CDH13: variants seen among roughly 807,000 people sequenced by gnomAD.
The protein encoded by CDH13 is cadherin 13.
CDH13 carries 24 observed loss-of-function variants against 63.8 expected under a neutral mutation model. The observed-to-expected ratio is 0.38, with a 90% CI of 0.27 to 0.53. CDH13 has a LOEUF of 0.53. CDH13 is among the 20% of genes least tolerant of loss of function. CDH13 has a pLI of 0.85. For missense variants in CDH13, 1,049 were observed against 903.1 expected (o/e 1.16, Z -2.07); for synonymous variants, 503 against 355.3 (o/e 1.42, Z -4.67).
At chr16:82,657,886 T>A (rs1911478874) in intron 1 of CDH13, among the ~76,000 whole-genome samples, 1 of 152,246 alleles carries the variant, frequency 6.6e-6, no homozygotes, top group South Asian at 2.1e-4. Flanking sequence ...TTTCTTACTT[T>A]CCAATCACTA....
chr16:83,065,751 C>G (rs1019219250), intron 3 of CDH13, among the ~76,000 whole-genome samples: 2 of 150,660 alleles, frequency 1.3e-5, no homozygotes, highest in African/African-American at 4.9e-5. Context: ...AACAAGACTA[C>G]TTTTAGGTTC....
At chr16:82,961,589 A>AAAAAAAAAAC (rs1907010618) in intron 2 of CDH13, among the ~76,000 whole-genome samples, 1 of 151,302 alleles carries the variant, frequency 6.6e-6, no homozygotes, top group African/African-American at 2.4e-5. Context: ...AAAAAAAAAA[A>AAAAAAAAAAC]AAAAAAACTA....
At chr16:83,458,560 T>G (rs192453498) in intron 6 of CDH13, among the ~76,000 whole-genome samples, 1 of 152,206 alleles carries the variant, frequency 6.6e-6, no homozygotes, top group Non-Finnish European at 1.5e-5. Flanking sequence ...CTACAAAAAA[T>G]CTTGTGGTCA....
intron 6 of CDH13, among the ~76,000 whole-genome samples, chr16:83,408,895 G>C (rs1445193187): frequency 6.6e-6 from 1 of 152,208 alleles, no homozygotes; most frequent in African/African-American, 2.4e-5. Context: ...GGGATGCAGA[G>C]ACTAAGCCCA....
At chr16:83,045,883 T>A (rs185412756) in intron 3 of CDH13, among the ~76,000 whole-genome samples, 154 of 152,344 alleles carry the variant, frequency 1.0e-3, no homozygotes, top group African/African-American at 3.3e-3. Flanking sequence ...GGCAGAAGCC[T>A]GAATGTTTGT....
intron 7 of CDH13, among the ~76,000 whole-genome samples, chr16:83,593,215 C>A (rs9930727): frequency 6.6e-6 from 1 of 152,094 alleles, no homozygotes; most frequent in Non-Finnish European, 1.5e-5. Flanking sequence ...AAAGAGGAAA[C>A]GAATGAATGA....
At position 83,783,237 on chromosome 16, in the gene CDH13, C is replaced by A. The variant is rs764508268; in HGVS notation, c.1916-17C>A. 1.3e-6 allele frequency: 2 copies of A among 1,584,110 alleles called. No homozygotes were observed. The highest frequency in any genetic ancestry group is 1.7e-5 in the Admixed American group (1 of 59,426). On this transcript the variant is annotated splice_polypyrimidine_tract_variant and intron_variant, in intron 12 of 13. Transcript: ENST00000567109. ...AAGTCTCATCCACTCTCACCAGAACCCTCCTTGCCTTTACAGATACACACG... is the reference window on the plus strand; with the variant it reads ...AAGTCTCATCCACTCTCACCAGAACACTCCTTGCCTTTACAGATACACACG...
chr16:83,712,806 G>T (rs1293029088), intron 10 of CDH13, among the ~76,000 whole-genome samples: 1 of 152,182 alleles, frequency 6.6e-6, no homozygotes, highest in Non-Finnish European at 1.5e-5. Flanking sequence ...GCCATGTGCT[G>T]TCACACACTA....
At chr16:83,624,685 C>T (rs1910123437) in intron 8 of CDH13, among the ~76,000 whole-genome samples, 1 of 152,058 alleles carries the variant, frequency 6.6e-6, no homozygotes, top group Non-Finnish European at 1.5e-5. Flanking sequence ...GGTCCGCAGC[C>T]CCAGGGGTTG....
intron 7 of CDH13, among the ~76,000 whole-genome samples, chr16:83,497,608 A>T (rs1486779765): frequency 1.3e-5 from 2 of 152,086 alleles, no homozygotes; most frequent in African/African-American, 2.4e-5. Context: ...ACATGTATAC[A>T]TATGTAACTA....
intron 5 of CDH13, among the ~76,000 whole-genome samples, chr16:83,340,021 ACT>A (rs904148165): frequency 9.2e-5 from 14 of 152,100 alleles, no homozygotes; most frequent in African/African-American, 3.4e-4. Context: ...GCCCCCCAAC[ACT>A]CATCACCATT....
chr16:82,934,819 T>C (rs116187702), intron 2 of CDH13, among the ~76,000 whole-genome samples: 2,036 of 152,334 alleles, frequency 0.013, 33 homozygotes, highest in African/African-American at 0.037. Context: ...CTCATCTCTG[T>C]CTGAGATCAC....
At chr16:82,650,878 A>C (rs1216010051) in intron 1 of CDH13, among the ~76,000 whole-genome samples, 1 of 152,244 alleles carries the variant, frequency 6.6e-6, no homozygotes, top group African/African-American at 2.4e-5. Context: ...GCAGGGCAGT[A>C]AACAGTTTAA....
intron 2 of CDH13, among the ~76,000 whole-genome samples, chr16:82,880,333 G>A (rs2040655813): frequency 6.6e-6 from 1 of 152,030 alleles, no homozygotes; most frequent in Non-Finnish European, 1.5e-5. Context: ...TTATTAGACT[G>A]TCTCTCGTTT....
intron 8 of CDH13, among the ~76,000 whole-genome samples, chr16:83,646,926 C>T (rs922335388): frequency 2.6e-5 from 4 of 152,048 alleles, no homozygotes; most frequent in Non-Finnish European, 5.9e-5. Context: ...TTGCAGTCCA[C>T]ATCACAGCAT....
intron 6 of CDH13, among the ~76,000 whole-genome samples, chr16:83,389,574 C>T (rs1039649862): frequency 6.6e-6 from 1 of 152,174 alleles, no homozygotes; most frequent in Non-Finnish European, 1.5e-5. Flanking sequence ...ATAATGCTGC[C>T]TTATTGATGG....
chr16:83,686,156 A>G (rs757961068), intron 10 of CDH13, among the ~76,000 whole-genome samples: 1 of 152,200 alleles, frequency 6.6e-6, no homozygotes, highest in Non-Finnish European at 1.5e-5. Flanking sequence ...AGAACGCCGG[A>G]GCTTCCTCCG....
chr16:83,150,479 A>C (rs375801760), intron 4 of CDH13, among the ~76,000 whole-genome samples: 1 of 151,952 alleles, frequency 6.6e-6, no homozygotes, highest in African/African-American at 2.4e-5. Context: ...TCACTTCTCT[A>C]TTGACATCAT....
At chr16:82,757,597 C>T (rs1308105277) in intron 1 of CDH13, among the ~76,000 whole-genome samples, 1 of 152,142 alleles carries the variant, frequency 6.6e-6, no homozygotes, top group African/African-American at 2.4e-5. Context: ...AGTTTGACTA[C>T]CGCAGCTTGC....
Sources: allele counts gnomAD v4.1 joint callset (sites outside exome capture counted in the v4.1 genomes callset), GRCh38; gene constraint gnomAD v4.1.1; transcripts MANE v1.5; gene names NCBI Gene and HGNC (gene_info 2026-07-23, HGNC 2026-07-21).